EYS: variants seen among roughly 807,000 people sequenced by gnomAD.
EYS encodes the protein EGF-like photoreceptor maintenance factor, also known as protein eyes shut homolog.
A neutral mutation model predicts 282.1 loss-of-function variants in EYS; 250 were observed. That is an observed-to-expected ratio of 0.89 (90% confidence interval 0.80 to 0.98). The LOEUF (loss-of-function observed/expected upper bound fraction) is 0.98. Among genes scored for constraint, EYS ranks in the 50% least tolerant of loss-of-function variants. EYS has a pLI of 0.00. For missense variants in EYS, 4,016 were observed against 3,709.0 expected (o/e 1.08, Z -2.15); for synonymous variants, 1,355 against 1,282.9 (o/e 1.06, Z -1.20).
chr6:64,491,409 T>C (rs912561739), intron 26 of EYS, among the ~76,000 whole-genome samples: 2 of 150,954 alleles, frequency 1.3e-5, no homozygotes, highest in Non-Finnish European at 3.0e-5. Flanking sequence ...TCTCCTTGAG[T>C]ATCAGGCAAG....
At chr6:64,795,440 T>C (rs919630921) in intron 22 of EYS, among the ~76,000 whole-genome samples, 4 of 152,082 alleles carry the variant, frequency 2.6e-5, no homozygotes, top group Admixed American at 2.0e-4. Flanking sequence ...CTATAATTGT[T>C]TTTAGTAGGA....
chr6:64,827,869 G>A (rs1227799119), intron 19 of EYS, among the ~76,000 whole-genome samples: 1 of 151,682 alleles, frequency 6.6e-6, no homozygotes, highest in South Asian at 2.1e-4. Context: ...TTAAAGGTGT[G>A]TCAATCAAAA....
Position 63,926,288 on chromosome 6 carries a change from A to G in EYS, c.7055+58095T>C, listed in dbSNP as rs547431666. ...AATGATAGAATCCCTACCACATGCT[A>G]TGATAAGCTATACAAAGGGAACAAT... On this transcript the variant is annotated intron_variant, in intron 35 of 42. Transcript: ENST00000503581. 1.6e-4 allele frequency among the ~76,000 whole-genome samples: 25 copies of G among 152,384 alleles called. 1 individual carries two copies. The South Asian group carries it at 2.9e-3, about 18-fold the overall frequency.
intron 35 of EYS, among the ~76,000 whole-genome samples, chr6:63,960,265 A>G (rs1766000646): frequency 6.6e-6 from 1 of 152,184 alleles, no homozygotes; most frequent in African/African-American, 2.4e-5. Context: ...GGAACACATA[A>G]TTGCAGATGT....
intron 26 of EYS, among the ~76,000 whole-genome samples, chr6:64,506,471 TG>T (rs745879670): frequency 6.6e-5 from 10 of 152,232 alleles, no homozygotes; most frequent in Non-Finnish European, 1.3e-4. Flanking sequence ...GACAAATTTT[TG>T]TTATTCACAT....
rs1562303633 is a variant in EYS at position 65,639,967 on chromosome 6, T to G, written c.-447-75A>C. The G allele has an allele frequency of 1.3e-5, 2 of 152,286 alleles. 1 individual carries two copies. The highest frequency in any genetic ancestry group is 3.9e-4 in the East Asian group (2 of 5,174). The allele number at this position is 152,286 out of a possible 1,614,324, so 9.4% of individuals were successfully genotyped here. The stretch of plus-strand genomic sequence containing the variant: ...ATCATCCCTAAGCTCTCCCACATCT[T>G]ATGGAGGGATATAATCCCCTCCTTT... On this transcript the variant is annotated intron_variant, in intron 1 of 42. Transcript: ENST00000503581.
intron 31 of EYS, among the ~76,000 whole-genome samples, chr6:64,094,415 T>A (rs576297203): frequency 2.4e-4 from 37 of 152,312 alleles, no homozygotes; most frequent in African/African-American, 8.7e-4. Context: ...AGCTATTAAT[T>A]ATTGCCTCAA....
chr6:65,619,344 CCTCT>C (rs1388211738), intron 2 of EYS, among the ~76,000 whole-genome samples: 2 of 151,652 alleles, frequency 1.3e-5, no homozygotes, highest in Admixed American at 6.6e-5. Flanking sequence ...TCATGATTTG[CCTCT>C]CTGTTTGTCT....
At chr6:64,981,012 T>A (rs1257358009) in intron 14 of EYS, among the ~76,000 whole-genome samples, 2 of 151,500 alleles carry the variant, frequency 1.3e-5, no homozygotes, top group East Asian at 3.9e-4. Flanking sequence ...TCGCTGTAAT[T>A]CAATCATAAA....
At chr6:64,509,558 C>T (rs79258089) in intron 26 of EYS, among the ~76,000 whole-genome samples, 1,541 of 152,154 alleles carry the variant, frequency 0.01, 32 homozygotes, top group East Asian at 0.082. Flanking sequence ...TATAGACTGC[C>T]GTCATTGCTA....
At chr6:65,002,421 T>C (rs756480510) in intron 13 of EYS, among the ~76,000 whole-genome samples, 2 of 147,728 alleles carry the variant, frequency 1.4e-5, no homozygotes, top group South Asian at 2.2e-4. Flanking sequence ...TGGCACAATG[T>C]TAGAAAATTA....
intron 13 of EYS, among the ~76,000 whole-genome samples, chr6:65,013,517 A>G (rs1360766958): frequency 3.3e-5 from 5 of 152,174 alleles, no homozygotes; most frequent in African/African-American, 9.7e-5. Flanking sequence ...ATGTAAGTAG[A>G]ATTCCAATAT....
chr6:64,728,520 A>G (rs1345756380), intron 22 of EYS, among the ~76,000 whole-genome samples: 1 of 151,970 alleles, frequency 6.6e-6, no homozygotes, highest in Non-Finnish European at 1.5e-5. Context: ...TATTTTTAGT[A>G]GAGGTGGGGT....
At chr6:64,080,495 A>T (rs1486587038) in intron 32 of EYS, among the ~76,000 whole-genome samples, 1 of 151,966 alleles carries the variant, frequency 6.6e-6, no homozygotes, top group Non-Finnish European at 1.5e-5. Context: ...ATTTTCTCCC[A>T]TTCTGTAGGT....
rs532897560 is a variant in EYS at position 64,077,357 on chromosome 6, T to C, written c.6571+4499A>G. Reference sequence around the variant, plus strand: ...TGGTAAGTGTCTAATGAAGATGTTATATATTCTGCTGGAAATCATTTTATA... The same window carrying C: ...TGGTAAGTGTCTAATGAAGATGTTACATATTCTGCTGGAAATCATTTTATA... On this transcript the variant is annotated intron_variant, in intron 32 of 42. Coordinates refer to ENST00000503581, the MANE Select transcript of EYS (RefSeq NM_001142800.2). Among the ~76,000 whole-genome samples, 107 of 152,130 alleles carry C rather than the reference T, an allele frequency of 7.0e-4. 3 individuals are homozygous for C. The South Asian group carries it at 0.02, about 29-fold the overall frequency.
At chr6:65,127,831 G>GA (rs1775764109) in intron 12 of EYS, among the ~76,000 whole-genome samples, 1 of 152,046 alleles carries the variant, frequency 6.6e-6, no homozygotes, top group East Asian at 1.9e-4. Flanking sequence ...AATATGTACA[G>GA]AAAAAAATGT....
At chr6:65,544,474 G>A (rs1158581926) in intron 2 of EYS, among the ~76,000 whole-genome samples, 1 of 152,022 alleles carries the variant, frequency 6.6e-6, no homozygotes, top group East Asian at 1.9e-4. Context: ...TACTGGGTGA[G>A]TTATCATAGA....
chr6:64,773,919 A>T (rs746661957), intron 22 of EYS, among the ~76,000 whole-genome samples: 2 of 151,950 alleles, frequency 1.3e-5, no homozygotes, highest in Non-Finnish European at 2.9e-5. Flanking sequence ...TGCTGTGCAG[A>T]AGCTCTTTAG....
intron 29 of EYS, among the ~76,000 whole-genome samples, chr6:64,333,649 C>T (rs599241): frequency 0.66 from 100,923 of 151,980 alleles, 33,667 homozygotes; most frequent in South Asian, 0.71. Context: ...TTTGATCAGG[C>T]AGGAGCTCTC....
Sources: gnomAD v4.1 joint callset for allele counts (sites outside exome capture counted in the v4.1 genomes callset) on GRCh38, gnomAD v4.1.1 for gene constraint, MANE v1.5 for transcripts, NCBI Gene and HGNC (gene_info 2026-07-23, HGNC 2026-07-21) for gene names.